TMEM232: variants seen among roughly 807,000 people sequenced by gnomAD.
The protein encoded by TMEM232 is transmembrane protein 232.
In TMEM232, 80 loss-of-function variants were observed where a neutral mutation model predicts 78.8. The observed-to-expected ratio is 1.01, with a 90% confidence interval of 0.85 to 1.22. The LOEUF (loss-of-function observed/expected upper bound fraction) is 1.22. Ranked by LOEUF, TMEM232 falls within the 50% of genes most tolerant of loss-of-function variation. The pLI is 0.00. For synonymous variants in TMEM232, 297 were observed against 254.3 expected, an observed-to-expected ratio of 1.17 and a Z score of -1.60; for missense variants, 881 against 742.2, an observed-to-expected ratio of 1.19 and a Z score of -2.17.
chr5:110,630,235 G>A (rs1435802677), intron 5 of TMEM232, among the ~76,000 whole-genome samples: 1 of 152,126 alleles, frequency 6.6e-6, no homozygotes, highest in East Asian at 1.9e-4. Flanking sequence ...TACATCTTGG[G>A]ATTCCAGTTG....
chr5:110,508,629 C>G (rs1367631308), intron 12 of TMEM232, among the ~76,000 whole-genome samples: 1 of 150,328 alleles, frequency 6.7e-6, no homozygotes, highest in East Asian at 1.9e-4. Flanking sequence ...TGAGTCTGTT[C>G]TAACACTTCT....
chr5:110,417,196 T>A (rs1410183949), downstream of TMEM232, among the ~76,000 whole-genome samples: 1 of 152,216 alleles, frequency 6.6e-6, no homozygotes, highest in Non-Finnish European at 1.5e-5. Context: ...AAAGAAGTTT[T>A]AGATAGAACT....
intron 11 of TMEM232, among the ~76,000 whole-genome samples, chr5:110,540,627 A>G (rs1461310840): frequency 6.6e-6 from 1 of 152,178 alleles, no homozygotes; most frequent in Non-Finnish European, 1.5e-5. Flanking sequence ...CAGTAGTTTC[A>G]TGTCAAATAG....
chr5:110,499,309 T>A lies in TMEM232; in HGVS notation c.1703+29279A>T, dbSNP rs140415078. Among the ~76,000 whole-genome samples the A allele has an allele frequency of 1.6e-3, 246 of 152,296 alleles. 1 individual carries two copies. Among genetic ancestry groups the A allele is most frequent in the African/African-American group, 5.2e-3 (215 of 41,558 alleles). On this transcript the variant is annotated intron_variant, in intron 12 of 13. Coordinates refer to ENST00000455884, the MANE Select transcript of TMEM232 (RefSeq NM_001039763.4). ...CTACAAGATGTACTTTTTGTTTTCT[T>A]TGAGATAGAGTCTCATTCTGACACC... is the stretch of plus-strand genomic sequence containing the variant.
Position 110,409,917 on chromosome 5 carries a change from C to T in TMEM232, n.309-12063G>A, listed in dbSNP as rs560703327. Among the ~76,000 whole-genome samples, 27 of 152,306 alleles carry T rather than the reference C, an allele frequency of 1.8e-4. No homozygotes were observed. In the East Asian group the frequency reaches 1.9e-3, roughly 11 times the overall value. On this transcript the variant is annotated intron_variant and non_coding_transcript_variant, in intron 2 of 8. Coordinates refer to the TMEM232 transcript ENST00000507188. ...AAGAGTTCACTATACTAAGGGAACA[C>T]GCCTAACTAAAGCCCCATCCCCTTC...
intron 12 of TMEM232, among the ~76,000 whole-genome samples, chr5:110,513,661 G>A (rs1768138251): frequency 6.6e-6 from 1 of 152,026 alleles, no homozygotes; most frequent in Non-Finnish European, 1.5e-5. Context: ...TTGTCAAGAT[G>A]CATATTAAAA....
intron 12 of TMEM232, among the ~76,000 whole-genome samples, chr5:110,523,624 T>C (rs1473595418): frequency 1.3e-5 from 2 of 152,132 alleles, no homozygotes; most frequent in Non-Finnish European, 2.9e-5. Flanking sequence ...AAATTATTCT[T>C]TGAAACAAGG....
chr5:110,568,424 T>C, intron 11 of TMEM232, 23 bp downstream of exon 11: 2 of 1,509,136 alleles, frequency 1.3e-6, no homozygotes, highest in Non-Finnish European at 1.8e-6. Context: ...TGTACATATT[T>C]ATTGCCCAGT....
At chr5:110,691,679 C>T (rs1348598519) in intron 1 of TMEM232, among the ~76,000 whole-genome samples, 2 of 152,134 alleles carry the variant, frequency 1.3e-5, no homozygotes, top group African/African-American at 4.8e-5. Flanking sequence ...AACACAAAGG[C>T]AAGATATAAT....
At position 110,585,211 on chromosome 5, in the gene TMEM232, A is replaced by G. The variant is rs73783661; in HGVS notation, c.1277-16586T>C. Among the ~76,000 whole-genome samples the G allele has an allele frequency of 8.5e-3, 1,300 of 152,264 alleles. 21 individuals are homozygous for G. The highest frequency in any genetic ancestry group is 0.03 in the African/African-American group (1,251 of 41,566). ...CATCCCAACAAAAGGAACAGTTACC[A>G]ACCATACAAGGGAATAAACAGAATG... On this transcript the variant is annotated intron_variant, in intron 10 of 13. Transcript: ENST00000455884.
Position 110,568,645 on chromosome 5 carries a change from CT to C in TMEM232, c.1277-21del. ...GATCACCTGTTTAAAAAGAAAAAGT[CT>C]TTGGGAATTATCATTTTATTCACCT... is the stretch of plus-strand genomic sequence containing the variant. On this transcript the variant is annotated intron_variant, in intron 10 of 13. Coordinates refer to ENST00000455884, the MANE Select transcript of TMEM232 (RefSeq NM_001039763.4). 1 of 1,518,506 alleles carries C rather than the reference CT, an allele frequency of 6.6e-7. No homozygotes were observed. Among genetic ancestry groups the C allele is most frequent in the Non-Finnish European group, 8.8e-7 (1 of 1,138,026 alleles). 94.1% of individuals were successfully genotyped at this position (1,518,506 alleles called of 1,614,324 possible).
intron 2 of TMEM232, among the ~76,000 whole-genome samples, chr5:110,664,308 A>G (rs1204122526): frequency 6.6e-6 from 1 of 152,232 alleles, no homozygotes; most frequent in African/African-American, 2.4e-5. Context: ...AATATACATA[A>G]TTACCAATAT....
chr5:110,682,010 A>C (rs1792814098), intron 1 of TMEM232, among the ~76,000 whole-genome samples: 1 of 152,218 alleles, frequency 6.6e-6, no homozygotes, highest in African/African-American at 2.4e-5. Context: ...AATGAGGCTA[A>C]AAATTTTAAC....
intron 13 of TMEM232, among the ~76,000 whole-genome samples, chr5:110,421,991 T>C (rs1459467442): frequency 6.6e-6 from 1 of 152,164 alleles, no homozygotes; most frequent in African/African-American, 2.4e-5. Context: ...TATGGGAAAT[T>C]AAGGCAAAAC....
intron 12 of TMEM232, among the ~76,000 whole-genome samples, chr5:110,505,191 A>G (rs1195569370): frequency 6.6e-6 from 1 of 152,162 alleles, no homozygotes; most frequent in Non-Finnish European, 1.5e-5. Flanking sequence ...AAACTTGTGA[A>G]ATCTTAATTC....
intron 12 of TMEM232, among the ~76,000 whole-genome samples, chr5:110,440,198 T>C (rs1234195400): frequency 6.6e-6 from 1 of 152,130 alleles, no homozygotes; most frequent in Non-Finnish European, 1.5e-5. Context: ...CAAAGTGTCC[T>C]TTAAGAGATA....
chr5:110,610,445 A>T, intron 8 of TMEM232: 1 of 333,068 alleles, frequency 3.0e-6, no homozygotes, highest in Non-Finnish European at 5.9e-6. Context: ...AAAAACCCCT[A>T]AGCACAGAGA....
intron 12 of TMEM232, among the ~76,000 whole-genome samples, chr5:110,485,204 A>G (rs1764330826): frequency 6.6e-6 from 1 of 152,204 alleles, no homozygotes. Flanking sequence ...ACAACCATGC[A>G]GCTAACTAAC....
intron 1 of TMEM232, among the ~76,000 whole-genome samples, chr5:110,673,562 A>G (rs1227820906): frequency 6.6e-6 from 1 of 152,178 alleles, no homozygotes; most frequent in African/African-American, 2.4e-5. Flanking sequence ...AAACTGATGT[A>G]AAAACATTTT....
Sources: gnomAD v4.1 joint callset for allele counts (sites outside exome capture counted in the v4.1 genomes callset) on GRCh38, gnomAD v4.1.1 for gene constraint, MANE v1.5 for transcripts, NCBI Gene and HGNC (gene_info 2026-07-23, HGNC 2026-07-21) for gene names.